Variants in SUGCT observed in about 807,000 individuals in gnomAD.
The protein encoded by SUGCT is succinyl-CoA:glutarate-CoA transferase, also known as succinyl-CoA:glutarate CoA-transferase.
In SUGCT, 41 loss-of-function variants were observed where a neutral mutation model predicts 55.0. The observed-to-expected ratio is 0.74, with a 90% CI of 0.58 to 0.97. The LOEUF is 0.97. SUGCT is among the 50% of genes least tolerant of loss of function. The pLI is 0.00. For missense variants in SUGCT, 568 were observed against 547.8 expected, an observed-to-expected ratio of 1.04 and a Z score of -0.37; for synonymous variants, 187 against 200.4, an observed-to-expected ratio of 0.93 and a Z score of 0.56.
At chr7:40,747,447 ACTTT>A (rs1432320538) in intron 12 of SUGCT, among the ~76,000 whole-genome samples, 2 of 152,346 alleles carry the variant, frequency 1.3e-5, no homozygotes, top group African/African-American at 2.4e-5. Flanking sequence ...ACATTTTATT[ACTTT>A]CTTTATTCCA....
chr7:40,877,687 G>A, the SUGCT span, among the ~76,000 whole-genome samples: 1 of 152,206 alleles, frequency 6.6e-6, no homozygotes, highest in Admixed American at 6.5e-5. Flanking sequence ...GACAATGAAT[G>A]TAGGGACTAG....
the SUGCT span, among the ~76,000 whole-genome samples, chr7:41,028,965 A>G: frequency 6.6e-6 from 1 of 152,210 alleles, no homozygotes; most frequent in African/African-American, 2.4e-5. Flanking sequence ...ATATACCCCC[A>G]GAGAAGAGCT....
the SUGCT span, among the ~76,000 whole-genome samples, chr7:41,008,669 T>C: frequency 1.3e-5 from 2 of 151,954 alleles, no homozygotes; most frequent in African/African-American, 4.8e-5. Flanking sequence ...GGGAGGCCTC[T>C]CGGTGGGGAG....
At chr7:40,829,493 GA>G (rs1792541745) in intron 13 of SUGCT, among the ~76,000 whole-genome samples, 1 of 152,170 alleles carries the variant, frequency 6.6e-6, no homozygotes, top group Non-Finnish European at 1.5e-5. Context: ...TCACAAGTTA[GA>G]AATCTGGGTG....
At chr7:40,411,369 G>A (rs1353865018) in intron 9 of SUGCT, among the ~76,000 whole-genome samples, 1 of 152,210 alleles carries the variant, frequency 6.6e-6, no homozygotes, top group Non-Finnish European at 1.5e-5. Context: ...CTCCAGCTTG[G>A]GCGATAGAGT....
chr7:40,761,041 G>A (rs971041508), intron 13 of SUGCT, among the ~76,000 whole-genome samples: 3 of 152,164 alleles, frequency 2.0e-5, no homozygotes, highest in Non-Finnish European at 4.4e-5. Context: ...AAACAATCAC[G>A]CATGTTTCTC....
At chr7:41,005,032 T>G in the SUGCT span, among the ~76,000 whole-genome samples, 1 of 152,170 alleles carries the variant, frequency 6.6e-6, no homozygotes, top group Non-Finnish European at 1.5e-5. Context: ...GGCAAGCAAC[T>G]GCGTACTTCC....
chr7:40,651,784 G>C (rs1800794878), intron 12 of SUGCT, among the ~76,000 whole-genome samples: 1 of 151,412 alleles, frequency 6.6e-6, no homozygotes, highest in African/African-American at 2.4e-5. Flanking sequence ...TCTTTTCTTT[G>C]TATTCTAAGG....
Position 40,860,364 on chromosome 7 carries a change from C to G in SUGCT, c.1202C>G (p.Pro401Arg), listed in dbSNP as rs751805172. Residue 401 changes from proline to arginine, a missense_variant, in exon 14 of 14, where the codon CCC becomes CGC. Pro to Arg is a moderately radical substitution (Grantham distance 103, BLOSUM62 -2). Transcript: ENST00000335693. The stretch of plus-strand genomic sequence containing the variant: ...TTCAAGATGTCAGAGGCCAGGCCGC[C>G]CCCGCTGCTCGGGCAGCACACAACG... ...SKFKMSEARP[P>R]PLLGQHTTHI... The G allele has an allele frequency of 2.4e-5, 38 of 1,614,022 alleles. No homozygotes were observed. The East Asian group carries it at 3.1e-4, about 13-fold the overall frequency.
intron 12 of SUGCT, among the ~76,000 whole-genome samples, chr7:40,728,833 T>A (rs962619378): frequency 5.3e-5 from 8 of 152,316 alleles, no homozygotes; most frequent in Admixed American, 5.2e-4. Flanking sequence ...GAAGAAGACT[T>A]TATATAACAA....
chr7:40,194,870 T>C, intron 5 of SUGCT, 70 bp from the exon 6 acceptor site: 2 of 1,514,750 alleles, frequency 1.3e-6, no homozygotes, highest in East Asian at 2.3e-5. Context: ...ATCAATTGTG[T>C]AAAGTTAAAA....
intron 1 of SUGCT, among the ~76,000 whole-genome samples, chr7:40,137,277 GCTACCATGC>G (rs1256377821): frequency 1.3e-5 from 2 of 152,038 alleles, no homozygotes; most frequent in Non-Finnish European, 2.9e-5. Context: ...ACAGGCTCAT[GCTACCATGC>G]CTGGCTAATT....
chr7:40,614,493 A>G (rs1455215180), intron 12 of SUGCT, among the ~76,000 whole-genome samples: 1 of 152,150 alleles, frequency 6.6e-6, no homozygotes, highest in Non-Finnish European at 1.5e-5. Context: ...GTGTCAGAGG[A>G]CCATGCTTTG....
chr7:40,269,665 G>A (rs986654551), intron 7 of SUGCT, among the ~76,000 whole-genome samples: 1 of 152,086 alleles, frequency 6.6e-6, no homozygotes, highest in African/African-American at 2.4e-5. Context: ...TTTTATTGTT[G>A]AGTTGTAGAC....
chr7:40,486,249 A>G (rs192571563), intron 11 of SUGCT, among the ~76,000 whole-genome samples: 1 of 152,266 alleles, frequency 6.6e-6, no homozygotes, highest in East Asian at 1.9e-4. Context: ...TAGGTTATCC[A>G]ATATGCTGGC....
chr7:40,831,317 C>A (rs1234017654), intron 13 of SUGCT, among the ~76,000 whole-genome samples: 1 of 152,190 alleles, frequency 6.6e-6, no homozygotes, highest in African/African-American at 2.4e-5. Flanking sequence ...AGCACTTTCA[C>A]CTTCTCCTCA....
At chr7:40,290,843 A>T (rs1793696936) in intron 8 of SUGCT, among the ~76,000 whole-genome samples, 1 of 152,242 alleles carries the variant, frequency 6.6e-6, no homozygotes, top group South Asian at 2.1e-4. Flanking sequence ...AAAGTGGGTG[A>T]AGGATATGAA....
At chr7:40,194,047 C>A (rs572856139) in intron 5 of SUGCT, among the ~76,000 whole-genome samples, 6 of 152,236 alleles carry the variant, frequency 3.9e-5, no homozygotes, top group Non-Finnish European at 8.8e-5. Flanking sequence ...GCATCACAAT[C>A]TGGATTTTGT....
At chr7:40,262,918 A>G (rs6946980) in intron 7 of SUGCT, among the ~76,000 whole-genome samples, 52,063 of 151,950 alleles carry the variant, frequency 0.34, 9,132 homozygotes, top group East Asian at 0.46. Flanking sequence ...AAGTTAATTT[A>G]TTGTCTAAAT....
Sources: gnomAD v4.1 joint callset for allele counts (sites outside exome capture counted in the v4.1 genomes callset) on GRCh38, gnomAD v4.1.1 for gene constraint, MANE v1.5 for transcripts, NCBI Gene and HGNC (gene_info 2026-07-23, HGNC 2026-07-21) for gene names.